The following PTPRQ variants were observed in gnomAD, a reference collection of about 807,000 sequenced individuals.
PTPRQ encodes protein tyrosine phosphatase receptor type Q, also known as phosphatidylinositol phosphatase PTPRQ.
A neutral mutation model predicts 246.0 loss-of-function variants in PTPRQ; 199 were observed. That is an observed-to-expected ratio of 0.81 (90% confidence interval 0.72 to 0.91). PTPRQ has a LOEUF of 0.91. PTPRQ is among the 40% of genes least tolerant of loss of function. PTPRQ has a pLI of 0.00. For synonymous variants in PTPRQ, 869 were observed against 853.2 expected, an observed-to-expected ratio of 1.02 and a Z score of -0.32; for missense variants, 2,624 against 2,528.4, an observed-to-expected ratio of 1.04 and a Z score of -0.81.
Position 80,593,769 on chromosome 12 carries a change from T to C in PTPRQ, c.4609+5317T>C, listed in dbSNP as rs568036590. On this transcript the variant is annotated intron_variant, in intron 26 of 44. Coordinates refer to ENST00000644991, the MANE Select transcript of PTPRQ (RefSeq NM_001145026.2). The stretch of plus-strand genomic sequence containing the variant: ...AGTGGTGTGTGTATATATGTGGTGG[T>C]GATGTAAAGTCACAAGCTGTTAAAT... 4 of 151,954 alleles carry C rather than the reference T, an allele frequency of 2.6e-5. No individual in the cohort carries two copies. In the South Asian group the frequency reaches 8.4e-4, roughly 32 times the overall value. The allele number at this position is 151,954 out of a possible 1,614,324, so 9.4% of individuals were successfully genotyped here.
At chr12:80,628,223 C>T (rs569263851) in intron 33 of PTPRQ, among the ~76,000 whole-genome samples, 1 of 152,062 alleles carries the variant, frequency 6.6e-6, no homozygotes, top group Non-Finnish European at 1.5e-5. Flanking sequence ...ACCTAAAATA[C>T]TTTAGGTGAT....
At chr12:80,627,343 T>TTTA (rs962213264) in intron 33 of PTPRQ, among the ~76,000 whole-genome samples, 17 of 116,770 alleles carry the variant, frequency 1.5e-4, no homozygotes, top group African/African-American at 3.8e-4. Flanking sequence ...GAACTCAATT[T>TTTA]TTATAATAAT....
chr12:80,483,445 G>T (rs1161152411), intron 8 of PTPRQ, among the ~76,000 whole-genome samples: 1 of 149,298 alleles, frequency 6.7e-6, no homozygotes, highest in African/African-American at 2.5e-5. Context: ...GTTAGTGGGT[G>T]CAGCGCACCA....
intron 35 of PTPRQ, among the ~76,000 whole-genome samples, chr12:80,642,847 G>A (rs1466210414): frequency 6.8e-6 from 1 of 146,900 alleles, no homozygotes; most frequent in Non-Finnish European, 1.5e-5. Flanking sequence ...GTGAACCCGG[G>A]AGGCGGAGCT....
intron 25 of PTPRQ, among the ~76,000 whole-genome samples, chr12:80,558,237 G>A (rs989352503): frequency 2.0e-5 from 3 of 148,940 alleles, no homozygotes; most frequent in Admixed American, 6.8e-5. Flanking sequence ...GTGCGATCTC[G>A]ACTCACTGCA....
chr12:80,521,748 C>A (rs1408231141), intron 17 of PTPRQ, among the ~76,000 whole-genome samples: 1 of 152,160 alleles, frequency 6.6e-6, no homozygotes, highest in Non-Finnish European at 1.5e-5. Flanking sequence ...CAGTACCATG[C>A]TGTTTTGGTT....
At chr12:80,537,630 C>T (rs1191969390) in intron 19 of PTPRQ, among the ~76,000 whole-genome samples, 1 of 152,132 alleles carries the variant, frequency 6.6e-6, no homozygotes, top group African/African-American at 2.4e-5. Context: ...GAGTATGTAG[C>T]GAAGCCATCT....
intron 27 of PTPRQ, among the ~76,000 whole-genome samples, chr12:80,608,285 G>A (rs987190948): frequency 6.6e-6 from 1 of 150,536 alleles, no homozygotes; most frequent in Non-Finnish European, 1.5e-5. Flanking sequence ...AAACAAACTT[G>A]GAATTGATTG....
chr12:80,552,586 T>G (rs1896507397), intron 25 of PTPRQ, among the ~76,000 whole-genome samples: 1 of 140,918 alleles, frequency 7.1e-6, no homozygotes, highest in Non-Finnish European at 1.5e-5. Flanking sequence ...CAAATCGCAA[T>G]GTGCACCTGA....
chr12:80,513,982 C>G (rs1453275181), intron 17 of PTPRQ, among the ~76,000 whole-genome samples: 1 of 152,112 alleles, frequency 6.6e-6, no homozygotes, highest in Admixed American at 6.5e-5. Context: ...TTGCTTGACA[C>G]AGAGATTTTC....
intron 3 of PTPRQ, among the ~76,000 whole-genome samples, chr12:80,450,005 T>C (rs1202676885): frequency 1.3e-5 from 2 of 152,234 alleles, no homozygotes; most frequent in Admixed American, 6.6e-5. Context: ...TTCCTACCCA[T>C]GAGCATGGAA....
At chr12:80,491,578 A>G (rs908103082) in intron 9 of PTPRQ, among the ~76,000 whole-genome samples, 2 of 152,002 alleles carry the variant, frequency 1.3e-5, no homozygotes, top group East Asian at 3.9e-4. Flanking sequence ...TCATGACAGC[A>G]CTTTTCTGGG....
chr12:80,495,546 A>ATTAAATGT (rs1286365696), intron 12 of PTPRQ, among the ~76,000 whole-genome samples, 175 bp downstream of exon 12: 1 of 152,032 alleles, frequency 6.6e-6, no homozygotes, highest in African/African-American at 2.4e-5. Context: ...ACATAACTCG[A>ATTAAATGT]TTAAATGTGT....
intron 26 of PTPRQ, 50 bp downstream of exon 26, chr12:80,588,502 C>T: frequency 7.0e-7 from 1 of 1,419,850 alleles, no homozygotes. Flanking sequence ...TATTCTGTAT[C>T]TGTCTATATA....
intron 17 of PTPRQ, among the ~76,000 whole-genome samples, chr12:80,522,504 A>G (rs1345356099): frequency 1.3e-5 from 2 of 152,110 alleles, no homozygotes; most frequent in East Asian, 1.9e-4. Flanking sequence ...TGGGTTTGTC[A>G]TAGATAGCTC....
intron 26 of PTPRQ, among the ~76,000 whole-genome samples, chr12:80,590,651 A>G (rs1304104939): frequency 2.3e-5 from 3 of 133,194 alleles, no homozygotes; most frequent in African/African-American, 9.2e-5. Context: ...CTGGGCACAG[A>G]GCAAGACTCC....
At chr12:80,604,788 C>G (rs1565813620) in intron 26 of PTPRQ, among the ~76,000 whole-genome samples, 1 of 151,300 alleles carries the variant, frequency 6.6e-6, no homozygotes, top group Non-Finnish European at 1.5e-5. Flanking sequence ...TAATGCTTTC[C>G]TTTCAAAATA....
intron 27 of PTPRQ, among the ~76,000 whole-genome samples, chr12:80,607,980 G>A (rs979468852): frequency 8.0e-5 from 12 of 150,694 alleles, no homozygotes; most frequent in African/African-American, 2.7e-4. Flanking sequence ...TAGAGTTTGA[G>A]GTATGAAGTT....
Position 80,616,678 on chromosome 12 carries a change from GTTAA to G in PTPRQ, c.5230+417_5230+420del, listed in dbSNP as rs1898774714. On this transcript the variant is annotated intron_variant, in intron 30 of 44. Coordinates refer to ENST00000644991, the MANE Select transcript of PTPRQ (RefSeq NM_001145026.2). ...TTATTTTGGAAGTGAGATTCTTTCA[GTTAA>G]TTAAATAGTGTTTTTTGAACTACCA... Among the ~76,000 whole-genome samples, 4 of 151,172 alleles carry G rather than the reference GTTAA, an allele frequency of 2.6e-5. No individual in the cohort carries two copies. The South Asian group carries it at 8.3e-4, about 31-fold the overall frequency.
Sources: gnomAD v4.1 joint callset for allele counts (sites outside exome capture counted in the v4.1 genomes callset) on GRCh38, gnomAD v4.1.1 for gene constraint, MANE v1.5 for transcripts, NCBI Gene and HGNC (gene_info 2026-07-23, HGNC 2026-07-21) for gene names.